The following DACH1 variants were observed in gnomAD, a reference collection of about 807,000 sequenced individuals.
The protein encoded by DACH1 is dachshund homolog 1.
A neutral mutation model predicts 54.2 loss-of-function variants in DACH1; 12 were observed. The observed-to-expected ratio is 0.22, with a 90% CI of 0.14 to 0.36. The LOEUF (loss-of-function observed/expected upper bound fraction) is 0.36. DACH1 is among the 10% of genes least tolerant of loss of function. DACH1 has a pLI of 1.00. For missense variants in DACH1, 805 were observed against 929.8 expected, an observed-to-expected ratio of 0.87 and a Z score of 1.75; for synonymous variants, 386 against 366.2, an observed-to-expected ratio of 1.05 and a Z score of -0.62.
chr13:71,808,595 T>C (rs1887597952), intron 1 of DACH1, among the ~76,000 whole-genome samples: 1 of 152,220 alleles, frequency 6.6e-6, no homozygotes, highest in Non-Finnish European at 1.5e-5. Context: ...TAAAATATCA[T>C]GTTCCCTATT....
chr13:71,776,289 T>A (rs1886063531), intron 1 of DACH1, among the ~76,000 whole-genome samples: 1 of 152,142 alleles, frequency 6.6e-6, no homozygotes, highest in South Asian at 2.1e-4. Context: ...ACTGCTATTT[T>A]TAGGATGTAT....
intron 1 of DACH1, among the ~76,000 whole-genome samples, chr13:71,782,642 A>G (rs1043591632): frequency 1.3e-5 from 2 of 152,170 alleles, no homozygotes; most frequent in African/African-American, 4.8e-5. Flanking sequence ...ATCAGGAACT[A>G]TCTTAGTCAT....
chr13:71,827,701 T>C (rs182740830), intron 1 of DACH1, among the ~76,000 whole-genome samples: 2 of 152,200 alleles, frequency 1.3e-5, no homozygotes, highest in Admixed American at 1.3e-4. Flanking sequence ...TACAATTTAA[T>C]TTATGTCACT....
At chr13:71,719,518 C>T (rs1438732513) in intron 1 of DACH1, among the ~76,000 whole-genome samples, 1 of 152,182 alleles carries the variant, frequency 6.6e-6, no homozygotes, top group Non-Finnish European at 1.5e-5. Flanking sequence ...TCACAGTACA[C>T]TTTCTATACT....
At chr13:71,736,303 C>T (rs1036849190) in intron 1 of DACH1, among the ~76,000 whole-genome samples, 8 of 152,078 alleles carry the variant, frequency 5.3e-5, no homozygotes, top group Non-Finnish European at 8.8e-5. Context: ...CAGATTCATT[C>T]AAAAATTTAT....
intron 10 of DACH1, among the ~76,000 whole-genome samples, chr13:71,469,366 A>G (rs1206276427): frequency 6.6e-6 from 1 of 152,178 alleles, no homozygotes; most frequent in Non-Finnish European, 1.5e-5. Context: ...GAAAAAAAAA[A>G]GCTTGCTCAA....
chr13:71,805,671 G>A (rs1420359029), intron 1 of DACH1, among the ~76,000 whole-genome samples: 1 of 152,130 alleles, frequency 6.6e-6, no homozygotes, highest in Non-Finnish European at 1.5e-5. Context: ...TACCGTTAGA[G>A]TCTTCTGAAA....
intron 1 of DACH1, among the ~76,000 whole-genome samples, chr13:71,846,618 G>A (rs1265794233): frequency 2.0e-5 from 3 of 152,228 alleles, no homozygotes; most frequent in African/African-American, 7.2e-5. Context: ...GACAAGGCCA[G>A]ACTCTTCCAT....
At position 71,557,026 on chromosome 13, in the gene DACH1, T is replaced by G. The variant is rs1884296158; in HGVS notation, c.1568A>C (p.Lys523Thr). Residue 523 changes from lysine (K) to threonine (T), a missense_variant and splice_region_variant, in exon 6 of 11, where the codon AAA becomes ACA. Physicochemically the swap from Lys to Thr is moderately conservative, Grantham distance 78. Transcript: ENST00000613252. ...AGGAATATATAATCATACATTACCT[T>G]TTTCAATATGCATCCTTTTTGACTC... is the stretch of plus-strand genomic sequence containing the variant. ...GHESKRMHIE[K>T]DETPLSTPTA... 1 of 1,598,170 alleles carries G rather than the reference T, an allele frequency of 6.3e-7. No individual in the cohort carries two copies. Among genetic ancestry groups the G allele is most frequent in the East Asian group, 2.3e-5 (1 of 43,966 alleles).
intron 3 of DACH1, among the ~76,000 whole-genome samples, chr13:71,583,162 A>C (rs774639701): frequency 5.7e-4 from 87 of 152,298 alleles, no homozygotes; most frequent in Non-Finnish European, 9.9e-4. Context: ...CCATAATGTG[A>C]CCAATGAAGA....
At chr13:71,657,567 T>A (rs940251505) in intron 2 of DACH1, among the ~76,000 whole-genome samples, 2 of 102,746 alleles carry the variant, frequency 1.9e-5, no homozygotes, top group African/African-American at 7.6e-5. Context: ...ATTGAGACCC[T>A]GTCTCAAATA....
intron 1 of DACH1, among the ~76,000 whole-genome samples, chr13:71,683,502 T>C (rs1171530155): frequency 6.6e-6 from 1 of 152,116 alleles, no homozygotes; most frequent in Non-Finnish European, 1.5e-5. Context: ...ACAAGTCAAA[T>C]AGGAAGAGGA....
At chr13:71,663,796 A>C (rs1187327246) in intron 2 of DACH1, among the ~76,000 whole-genome samples, 1 of 151,934 alleles carries the variant, frequency 6.6e-6, no homozygotes, top group Non-Finnish European at 1.5e-5. Flanking sequence ...AAACCAATTC[A>C]CCAGGTATTT....
chr13:71,470,239 A>C (rs2138159957), intron 10 of DACH1, among the ~76,000 whole-genome samples: 1 of 152,344 alleles, frequency 6.6e-6, no homozygotes, highest in African/African-American at 2.4e-5. Flanking sequence ...AATGCAAACG[A>C]AGAATAAACA....
At chr13:71,441,396 G>C (rs1180772580) in intron 10 of DACH1, among the ~76,000 whole-genome samples, 1 of 151,932 alleles carries the variant, frequency 6.6e-6, no homozygotes, top group African/African-American at 2.4e-5. Flanking sequence ...GAAATTAAAA[G>C]TCCAAACCAA....
At chr13:71,449,018 ACACTCCAAATACAC>A (rs1359066453) in intron 10 of DACH1, among the ~76,000 whole-genome samples, 1 of 152,178 alleles carries the variant, frequency 6.6e-6, no homozygotes, top group Non-Finnish European at 1.5e-5. Context: ...CTTTGTCTGT[ACACTCCAAATACAC>A]CACAATAAGA....
At chr13:71,601,536 C>A (rs1399940227) in intron 3 of DACH1, among the ~76,000 whole-genome samples, 1 of 151,862 alleles carries the variant, frequency 6.6e-6, no homozygotes, top group Non-Finnish European at 1.5e-5. Flanking sequence ...AAGTAGAATA[C>A]ATTTCTGTAT....
At chr13:71,611,930 A>G (rs565142168) in intron 3 of DACH1, among the ~76,000 whole-genome samples, 1 of 152,290 alleles carries the variant, frequency 6.6e-6, no homozygotes, top group South Asian at 2.1e-4. Flanking sequence ...TTATAGTATA[A>G]TCCAATACTA....
At chr13:71,505,988 C>T (rs569526030) in intron 6 of DACH1, among the ~76,000 whole-genome samples, 131 of 151,794 alleles carry the variant, frequency 8.6e-4, no homozygotes, top group Non-Finnish European at 1.6e-3. Context: ...AGATTTTGTT[C>T]CTTCATCCTC....
Sources: gnomAD v4.1 joint callset for allele counts (sites outside exome capture counted in the v4.1 genomes callset) on GRCh38, gnomAD v4.1.1 for gene constraint, MANE v1.5 for transcripts, NCBI Gene and HGNC (gene_info 2026-07-23, HGNC 2026-07-21) for gene names.